Variants in KAT6B observed in about 807,000 individuals in gnomAD.
The protein encoded by KAT6B is lysine acetyltransferase 6B.
Under a neutral mutation model 187.5 loss-of-function variants are expected in KAT6B, and 10 were observed. That is an observed-to-expected ratio of 0.05 (90% CI 0.03 to 0.09). KAT6B has a LOEUF of 0.09. KAT6B is among the 10% of genes least tolerant of loss of function. KAT6B has a pLI of 1.00. For synonymous variants in KAT6B, 861 were observed against 926.8 expected, an observed-to-expected ratio of 0.93 and a Z score of 1.29; for missense variants, 1,952 against 2,558.9, an observed-to-expected ratio of 0.76 and a Z score of 5.12.
chr10:75,018,291 C>T (rs1396621603), intron 13 of KAT6B, among the ~76,000 whole-genome samples: 1 of 152,262 alleles, frequency 6.6e-6, no homozygotes, highest in African/African-American at 2.4e-5. Flanking sequence ...GCTGATCACC[C>T]TGCTGCCACC....
chr10:75,008,100 G>A (rs2134028123), intron 13 of KAT6B, among the ~76,000 whole-genome samples: 1 of 152,280 alleles, frequency 6.6e-6, no homozygotes, highest in Non-Finnish European at 1.5e-5. Context: ...TAATTGAAGG[G>A]TTGTGCGTTA....
chr10:74,965,223 C>T (rs533213610), intron 4 of KAT6B, among the ~76,000 whole-genome samples: 2 of 152,346 alleles, frequency 1.3e-5, no homozygotes, highest in African/African-American at 4.8e-5. Context: ...CCTCGTTCAT[C>T]TCTCCCTCTG....
intron 3 of KAT6B, among the ~76,000 whole-genome samples, chr10:74,919,562 T>C (rs1814769122): frequency 6.6e-6 from 1 of 151,888 alleles, no homozygotes; most frequent in Admixed American, 6.6e-5. Flanking sequence ...CACCACGCCC[T>C]GCTAATTTTT....
chr10:75,011,622 A>G (rs1311441681), intron 13 of KAT6B, among the ~76,000 whole-genome samples: 2 of 152,186 alleles, frequency 1.3e-5, no homozygotes, highest in Non-Finnish European at 2.9e-5. Flanking sequence ...AACATCTCTC[A>G]TTCCATGATC....
chr10:75,013,676 T>C (rs537244484), intron 13 of KAT6B, among the ~76,000 whole-genome samples: 3 of 152,330 alleles, frequency 2.0e-5, no homozygotes, highest in East Asian at 1.9e-4. Flanking sequence ...CTAACACTTA[T>C]TAGGATTACT....
At chr10:74,904,881 A>C (rs1275543879) in intron 3 of KAT6B, among the ~76,000 whole-genome samples, 2 of 152,160 alleles carry the variant, frequency 1.3e-5, no homozygotes, top group African/African-American at 4.8e-5. Context: ...TCTTCACAGC[A>C]GTGGCCTCTA....
At chr10:75,021,488 A>G (rs1237885159) in intron 15 of KAT6B, among the ~76,000 whole-genome samples, 1 of 152,238 alleles carries the variant, frequency 6.6e-6, no homozygotes, top group African/African-American at 2.4e-5. Flanking sequence ...TGAAACATTT[A>G]TCATTGATTA....
At chr10:74,992,041 T>G (rs1843151669) in intron 13 of KAT6B, among the ~76,000 whole-genome samples, 1 of 152,252 alleles carries the variant, frequency 6.6e-6, no homozygotes, top group Admixed American at 6.5e-5. Flanking sequence ...TAACTAGGGT[T>G]ACAGGTTTTC....
At chr10:74,852,279 A>T (rs1336739193) in intron 3 of KAT6B, among the ~76,000 whole-genome samples, 1 of 152,210 alleles carries the variant, frequency 6.6e-6, no homozygotes, top group Non-Finnish European at 1.5e-5. Context: ...ATCTCTAAAT[A>T]TTGTAAAATA....
Position 74,843,101 on chromosome 10 carries a change from T to C in KAT6B, c.244T>C (p.Ser82Pro). ...KDPDNPGRFS[S>P]VKPGTFPKSA... ...CCCAGACAACCCTGGGCGCTTTTCA[T>C]CAGTTAAACCAGGCACTTTTCCTAA... Residue 82 changes from serine to proline, a missense_variant, in exon 3 of 18, where the codon TCA becomes CCA. Coordinates refer to ENST00000287239, the MANE Select transcript of KAT6B (RefSeq NM_012330.4). 3.1e-6 allele frequency: 5 copies of C among 1,614,194 alleles called. No homozygotes were observed. Among genetic ancestry groups the C allele is most frequent in the Non-Finnish European group, 4.2e-6 (5 of 1,180,034 alleles).
chr10:74,917,817 C>CAGGG (rs1231634750), intron 3 of KAT6B, among the ~76,000 whole-genome samples: 2 of 152,124 alleles, frequency 1.3e-5, no homozygotes, highest in African/African-American at 4.8e-5. Flanking sequence ...CATGGACAGG[C>CAGGG]AGGGGCATTT....
At chr10:74,992,541 G>A (rs1843182628) in intron 13 of KAT6B, among the ~76,000 whole-genome samples, 3 of 152,094 alleles carry the variant, frequency 2.0e-5, no homozygotes, top group Admixed American at 1.3e-4. Flanking sequence ...ACCACATATC[G>A]CTAGCCCAGG....
intron 13 of KAT6B, among the ~76,000 whole-genome samples, chr10:74,996,428 A>G (rs1357617568): frequency 6.6e-6 from 1 of 152,348 alleles, no homozygotes; most frequent in East Asian, 1.9e-4. Flanking sequence ...AACTCCAGGT[A>G]GATTAAAGAC....
chr10:74,888,358 C>T (rs1845432293), intron 3 of KAT6B, among the ~76,000 whole-genome samples: 1 of 151,750 alleles, frequency 6.6e-6, no homozygotes, highest in Non-Finnish European at 1.5e-5. Context: ...GTGCAATACA[C>T]AAAGGATAAA....
intron 1 of KAT6B, among the ~76,000 whole-genome samples, chr10:74,827,821 T>C (rs1274913720): frequency 1.3e-5 from 2 of 152,068 alleles, no homozygotes; most frequent in Non-Finnish European, 2.9e-5. Context: ...TGATAGGCTG[T>C]ATTTATTATT....
At chr10:74,879,184 T>C (rs888256266) in intron 3 of KAT6B, among the ~76,000 whole-genome samples, 4 of 152,136 alleles carry the variant, frequency 2.6e-5, no homozygotes, top group Non-Finnish European at 5.9e-5. Flanking sequence ...ATTATCTGCT[T>C]TGTTAGGGCA....
chr10:74,846,091 TG>T (rs1842082733), intron 3 of KAT6B, among the ~76,000 whole-genome samples: 1 of 152,072 alleles, frequency 6.6e-6, no homozygotes, highest in Admixed American at 6.6e-5. Flanking sequence ...CTCGATCTCC[TG>T]GGCTCAAGAC....
intron 3 of KAT6B, among the ~76,000 whole-genome samples, chr10:74,868,248 T>C (rs1467813000): frequency 3.3e-5 from 5 of 152,210 alleles, no homozygotes; most frequent in Non-Finnish European, 7.3e-5. Context: ...TTGTTTATTA[T>C]ATTTTAAGAG....
At chr10:75,017,104 C>A (rs1845031451) in intron 13 of KAT6B, among the ~76,000 whole-genome samples, 1 of 151,842 alleles carries the variant, frequency 6.6e-6, no homozygotes, top group South Asian at 2.1e-4. Flanking sequence ...CTCAGGTGAT[C>A]TGCCCACCTC....
Sources: allele counts gnomAD v4.1 joint callset (sites outside exome capture counted in the v4.1 genomes callset), GRCh38; gene constraint gnomAD v4.1.1; transcripts MANE v1.5; gene names NCBI Gene and HGNC (gene_info 2026-07-23, HGNC 2026-07-21).